The following COL4A2 variants were observed in gnomAD, a reference collection of about 807,000 sequenced individuals.
COL4A2 encodes collagen alpha-2(IV) chain.
In COL4A2, 99 loss-of-function variants were observed where a neutral mutation model predicts 200.2. The ratio of observed to expected loss-of-function variants is 0.49; its 90% CI spans 0.42 to 0.58. COL4A2 has a LOEUF of 0.58. COL4A2 is among the 20% of genes least tolerant of loss of function. The pLI is 0.00. For missense variants in COL4A2, 1,950 were observed against 2,314.1 expected (o/e 0.84, Z 3.23); for synonymous variants, 897 against 900.6 (o/e 1.00, Z 0.07).
At chr13:110,458,126 A>C in intron 21 of COL4A2, 2 of 470,562 alleles carry the variant, frequency 4.3e-6, no homozygotes, top group Non-Finnish European at 8.8e-6. Flanking sequence ...TAGGATGTGC[A>C]GTGCATTCAG....
intron 31 of COL4A2, among the ~76,000 whole-genome samples, chr13:110,481,578 T>A (rs867746250): frequency 7.5e-6 from 1 of 134,018 alleles, no homozygotes; most frequent in Non-Finnish European, 1.6e-5. Flanking sequence ...GGAGACACAC[T>A]GTTCTGTCCC....
At chr13:110,456,869 T>C (rs1881758895) in intron 20 of COL4A2, 1 of 466,766 alleles carries the variant, frequency 2.1e-6, no homozygotes, top group Non-Finnish European at 4.3e-6. Context: ...TGCGTCTGCG[T>C]GGGACCCCAG....
At chr13:110,396,220 A>G (rs978806521) in intron 4 of COL4A2, among the ~76,000 whole-genome samples, 11 of 152,222 alleles carry the variant, frequency 7.2e-5, no homozygotes, top group African/African-American at 2.4e-4. Flanking sequence ...TACAACTGAT[A>G]CCAGTGTTGG....
Position 110,508,057 on chromosome 13 carries a change from C to T in COL4A2, c.4717C>T (p.Leu1573=). Residue 1573 remains leucine (L), a synonymous_variant, in exon 47 of 48, where the codon CTG becomes TTG. Transcript: ENST00000360467. The surrounding 1 kb of genome is among the most constrained non-coding windows in gnomAD (Gnocchi z 6.1). ...KSYWLSTTAP[L]PMMPVAEDEI... ...CTACTGGCTCTCTACCACTGCGCCG[C>T]TGCCCATGATGCCCGTGGCCGAGGA... 1.2e-6 allele frequency: 2 copies of T among 1,614,268 alleles called. No homozygotes were observed. Among genetic ancestry groups the T allele is most frequent in the Non-Finnish European group, 1.7e-6 (2 of 1,180,048 alleles).
At chr13:110,314,545 G>A (rs1885082251) in intron 3 of COL4A2, among the ~76,000 whole-genome samples, 1 of 152,198 alleles carries the variant, frequency 6.6e-6, no homozygotes, top group South Asian at 2.1e-4. Flanking sequence ...AAGACGGGGA[G>A]GTTTCCCTGT....
rs1211722700 is a variant in COL4A2, at chr13:110,508,334, C to T, written c.4881+113C>T. The T allele has an allele frequency of 2.7e-6, 4 of 1,504,858 alleles. No homozygotes were observed. The highest frequency in any genetic ancestry group is 3.6e-6 in the Non-Finnish European group (4 of 1,108,090). The allele number at this position is 1,504,858 out of a possible 1,614,324, so 93.2% of individuals were successfully genotyped here. On this transcript the variant is annotated intron_variant, in intron 47 of 47. Coordinates refer to ENST00000360467, the MANE Select transcript of COL4A2 (RefSeq NM_001846.4). The surrounding 1 kb of genome is among the most constrained non-coding windows in gnomAD (Gnocchi z 6.1). ...ACGGCAGTCCAGGGTGTGCACTGCACAAGGGTAGTTGGCCCAGGAAGCGAG... is the reference window on the plus strand; with the variant it reads ...ACGGCAGTCCAGGGTGTGCACTGCATAAGGGTAGTTGGCCCAGGAAGCGAG...
intron 4 of COL4A2, among the ~76,000 whole-genome samples, chr13:110,400,980 G>T (rs1303536409): frequency 6.6e-6 from 1 of 152,202 alleles, no homozygotes; most frequent in Non-Finnish European, 1.5e-5. Context: ...AACATCTGCT[G>T]GACTTCCGGA....
intron 27 of COL4A2, among the ~76,000 whole-genome samples, chr13:110,467,906 C>T (rs544658126): frequency 4.8e-4 from 73 of 152,310 alleles, no homozygotes; most frequent in African/African-American, 1.7e-3. Flanking sequence ...GTGATGGGGC[C>T]GGGGAAGCAT....
intron 32 of COL4A2, among the ~76,000 whole-genome samples, chr13:110,483,068 G>C (rs1051333601): frequency 6.6e-6 from 1 of 152,182 alleles, no homozygotes; most frequent in African/African-American, 2.4e-5. Context: ...GACATAACAC[G>C]GTGCCAGAGA....
At position 110,410,210 on chromosome 13, in the gene COL4A2, G is replaced by C. The variant is rs192859408; in HGVS notation, c.181-14524G>C. Among the ~76,000 whole-genome samples the C allele has an allele frequency of 6.6e-5, 10 of 152,342 alleles. No homozygotes were observed. In the East Asian group the frequency reaches 1.3e-3, roughly 21 times the overall value. On this transcript the variant is annotated intron_variant, in intron 4 of 47. Transcript: ENST00000360467. ...GAGACATCCGTGAGCAAGAAGCCAG[G>C]CTGCTCAGCCACTCGTGGGCCACGT...
At chr13:110,313,365 C>G (rs1192190597) in intron 3 of COL4A2, among the ~76,000 whole-genome samples, 2 of 152,178 alleles carry the variant, frequency 1.3e-5, no homozygotes, top group Admixed American at 6.5e-5. Context: ...GCATCTAATT[C>G]TAGGGAGACT....
In COL4A2 at chr13:110,424,866, G is replaced by C; in HGVS notation, c.313G>C (p.Val105Leu). The change falls in exon 5 of 48, where the codon GTG becomes CTG. Residue 105 changes from valine (V) to leucine (L), a missense_variant and splice_region_variant. By Grantham distance (32) the Val-to-Leu change is conservative. This residue lies in a region of COL4A2 where 565 missense variants were observed against 593.5 expected (regional missense o/e 0.95). Coordinates refer to ENST00000360467, the MANE Select transcript of COL4A2 (RefSeq NM_001846.4). ...APGVTGPKGD[V>L]GARGVSGFPG... ...CGGAGTAACGGGACCCAAGGGCGAC[G>C]TGGTACGCACCGCTGGTGTATTCCC... The C allele has an allele frequency of 6.2e-7, 1 of 1,614,168 alleles. No individual in the cohort carries two copies. Among genetic ancestry groups the C allele is most frequent in the Non-Finnish European group, 8.5e-7 (1 of 1,180,018 alleles).
intron 4 of COL4A2, among the ~76,000 whole-genome samples, chr13:110,417,083 C>T (rs1880070938): frequency 6.6e-6 from 1 of 152,058 alleles, no homozygotes; most frequent in Admixed American, 6.5e-5. Context: ...TGGGTTCACG[C>T]CATTCTTCTG....
At chr13:110,383,835 C>T (rs570834936) in intron 4 of COL4A2, among the ~76,000 whole-genome samples, 6 of 152,158 alleles carry the variant, frequency 3.9e-5, no homozygotes, top group Non-Finnish European at 8.8e-5. Flanking sequence ...TGGTCTCGAA[C>T]GCCTGGTCTC....
At chr13:110,477,706 A>C (rs1240893737) in intron 29 of COL4A2, among the ~76,000 whole-genome samples, 1 of 152,236 alleles carries the variant, frequency 6.6e-6, no homozygotes, top group Non-Finnish European at 1.5e-5. Flanking sequence ...TATAATGTCA[A>C]GTGAAGAAAA....
chr13:110,390,607 A>G (rs1315045776), intron 4 of COL4A2, among the ~76,000 whole-genome samples: 2 of 152,252 alleles, frequency 1.3e-5, no homozygotes, highest in Non-Finnish European at 2.9e-5. Flanking sequence ...ACTCAGCAGT[A>G]GTTATTCCAT....
chr13:110,480,114 T>C, intron 30 of COL4A2, 106 bp from the exon 31 acceptor site: 3 of 1,261,822 alleles, frequency 2.4e-6, no homozygotes, highest in Admixed American at 4.8e-5. Context: ...TCCACTTTCC[T>C]TCTAAGGAGC....
At chr13:110,324,868 G>A (rs1347941618) in intron 3 of COL4A2, among the ~76,000 whole-genome samples, 2 of 152,242 alleles carry the variant, frequency 1.3e-5, no homozygotes, top group Admixed American at 6.5e-5. Flanking sequence ...GATTGATACA[G>A]CTTTAGGAAT....
chr13:110,462,126 A>G lies in COL4A2; in HGVS notation c.1609A>G (p.Asn537Asp), dbSNP rs1882049587. The G allele has an allele frequency of 1.2e-6, 2 of 1,614,292 alleles. No homozygotes were observed. The highest frequency in any genetic ancestry group is 8.5e-7 in the Non-Finnish European group (1 of 1,180,056). The stretch of plus-strand genomic sequence containing the variant: ...CTGTTTTCCACAGGGAGTGCCTGGC[A>G]ACATTGGTGCTCCCGGACCCAAAGG... The part of the protein sequence containing the change: ...GFPGLKGVPG[N>D]IGAPGPKGAK... The change falls in exon 23 of 48, where the codon AAC (asparagine) becomes GAC (aspartate). Residue 537 changes from asparagine to aspartate, a missense_variant. Transcript: ENST00000360467.
Sources: allele counts gnomAD v4.1 joint callset (sites outside exome capture counted in the v4.1 genomes callset), GRCh38; gene constraint gnomAD v4.1.1; regional missense constraint gnomAD v4.1.1; non-coding constraint Gnocchi (gnomAD v3.1); transcripts MANE v1.5; gene names NCBI Gene and HGNC (gene_info 2026-07-23, HGNC 2026-07-21).